CCDC169: variants seen among roughly 807,000 people sequenced by gnomAD.
CCDC169 encodes coiled-coil domain-containing protein 169.
CCDC169 carries 30 observed loss-of-function variants against 36.0 expected under a neutral mutation model. The observed-to-expected ratio is 0.83, with a 90% confidence interval of 0.62 to 1.13. The LOEUF is 1.13. Ranked by LOEUF, CCDC169 falls within the 50% of genes most tolerant of loss-of-function variation. The pLI is 0.00. For synonymous variants in CCDC169, 85 were observed against 81.5 expected (o/e 1.04, Z -0.23); for missense variants, 245 against 245.9 (o/e 1.00, Z 0.03).
downstream of CCDC169, chr13:36,227,138 C>T: frequency 9.3e-7 from 1 of 1,080,822 alleles, no homozygotes. Context: ...CTGGGGGAGG[C>T]TTAAAGAAAT....
chr13:36,275,373 C>T (rs753499805), intron 4 of CCDC169, among the ~76,000 whole-genome samples: 68 of 152,118 alleles, frequency 4.5e-4, no homozygotes, highest in South Asian at 8.3e-4. Context: ...CAAATGCCCC[C>T]TTGTGGACAG....
intron 4 of CCDC169, among the ~76,000 whole-genome samples, chr13:36,270,144 A>G (rs1831192): frequency 0.25 from 38,712 of 152,066 alleles, 5,205 homozygotes; most frequent in East Asian, 0.49. Context: ...CAAGCTGAGA[A>G]TCAAATCAAG....
chr13:36,228,313 T>C (rs1334487014), downstream of CCDC169, among the ~76,000 whole-genome samples: 7 of 152,208 alleles, frequency 4.6e-5, no homozygotes, highest in Non-Finnish European at 1.0e-4. Flanking sequence ...TTCACACTCA[T>C]GTCAATACTC....
At chr13:36,249,704 C>A (rs1283382810) in intron 6 of CCDC169, among the ~76,000 whole-genome samples, 1 of 151,120 alleles carries the variant, frequency 6.6e-6, no homozygotes, top group Non-Finnish European at 1.5e-5. Context: ...AAGCCAAAGG[C>A]AGTAAAAGAG....
chr13:36,257,870 C>T (rs1366126165), intron 4 of CCDC169, among the ~76,000 whole-genome samples: 1 of 151,806 alleles, frequency 6.6e-6, no homozygotes, highest in East Asian at 1.9e-4. Context: ...TAGGACATGT[C>T]ACTTCCCCTC....
At position 36,295,436 on chromosome 13, in the gene CCDC169, C is replaced by T. The variant is rs193030203; in HGVS notation, c.163+342G>A. Among the ~76,000 whole-genome samples, 335 of 152,096 alleles carry T rather than the reference C, an allele frequency of 2.2e-3. 3 individuals are homozygous for T. The highest frequency in any genetic ancestry group is 7.8e-3 in the African/African-American group (324 of 41,466). On this transcript the variant is annotated intron_variant, in intron 2 of 7. Transcript: ENST00000239859. ...ATACGGATTTTAAACATATCCCAAA[C>T]CTAGAAGTTAAGATATAAAGAGTGT...
intron 2 of CCDC169, among the ~76,000 whole-genome samples, chr13:36,294,936 G>C (rs1482815958): frequency 6.6e-6 from 1 of 152,122 alleles, no homozygotes; most frequent in Non-Finnish European, 1.5e-5. Flanking sequence ...GTGCTGGGCT[G>C]TCTGCCTGTG....
At chr13:36,262,328 A>ATGAC (rs1874708139) in intron 4 of CCDC169, among the ~76,000 whole-genome samples, 1 of 152,168 alleles carries the variant, frequency 6.6e-6, no homozygotes, top group South Asian at 2.1e-4. Context: ...CTGTACCAGC[A>ATGAC]TGACTGTGCC....
At chr13:36,290,571 AT>A (rs571599264) in intron 2 of CCDC169, among the ~76,000 whole-genome samples, 1 of 152,210 alleles carries the variant, frequency 6.6e-6, no homozygotes, top group African/African-American at 2.4e-5. Context: ...GATAAAATTA[AT>A]TAAGACCCTC....
At chr13:36,283,128 G>T (rs1335799699) in intron 4 of CCDC169, 4 of 247,368 alleles carry the variant, frequency 1.6e-5, no homozygotes, top group Non-Finnish European at 3.1e-5. Flanking sequence ...GGCATGTCTG[G>T]GTTGAAAGTA....
chr13:36,289,522 G>A (rs1878622944), intron 2 of CCDC169, among the ~76,000 whole-genome samples: 1 of 152,140 alleles, frequency 6.6e-6, no homozygotes, highest in Non-Finnish European at 1.5e-5. Flanking sequence ...TTCTTCCTAT[G>A]TCTGATTAAA....
At chr13:36,248,516 A>G in intron 7 of CCDC169, 90 bp downstream of exon 7, 1 of 1,235,524 alleles carries the variant, frequency 8.1e-7, no homozygotes, top group Non-Finnish European at 1.1e-6. Context: ...CTAGAAGTTC[A>G]GCTTCCAAAA....
downstream of CCDC169, chr13:36,225,006 G>A (rs892844507): frequency 5.9e-5 from 9 of 152,220 alleles, no homozygotes; most frequent in African/African-American, 2.2e-4. Flanking sequence ...ACAGCCATCT[G>A]ATCTTCAACA....
At chr13:36,287,410 T>C (rs965418293) in intron 2 of CCDC169, among the ~76,000 whole-genome samples, 1 of 152,222 alleles carries the variant, frequency 6.6e-6, no homozygotes, top group Non-Finnish European at 1.5e-5. Context: ...ATGAACAGGT[T>C]CCAATTTTGT....
intron 2 of CCDC169, among the ~76,000 whole-genome samples, chr13:36,288,657 A>G (rs924884874): frequency 6.6e-6 from 1 of 152,188 alleles, no homozygotes; most frequent in Non-Finnish European, 1.5e-5. Context: ...CTAAAATTTA[A>G]GGTTACTAAG....
intron 7 of CCDC169, chr13:36,240,771 G>A (rs987108574): frequency 5.7e-6 from 2 of 350,546 alleles, no homozygotes; most frequent in African/African-American, 4.4e-5. Flanking sequence ...TGAGCTCCTT[G>A]CTTTCGGGAA....
intron 7 of CCDC169, among the ~76,000 whole-genome samples, chr13:36,247,012 T>C (rs1872579610): frequency 6.6e-6 from 1 of 152,198 alleles, no homozygotes; most frequent in East Asian, 1.9e-4. Context: ...GCCAGTGAGT[T>C]TATGTTGAAG....
intron 2 of CCDC169, among the ~76,000 whole-genome samples, chr13:36,293,020 T>G (rs1879090127): frequency 1.3e-5 from 2 of 152,186 alleles, no homozygotes; most frequent in Non-Finnish European, 2.9e-5. Context: ...AGTCCTCTTC[T>G]GATTGCTTCT....
intron 6 of CCDC169, among the ~76,000 whole-genome samples, chr13:36,253,028 CA>C (rs35952795): frequency 0.21 from 31,170 of 151,944 alleles, 3,688 homozygotes; most frequent in East Asian, 0.38. Context: ...AAAAACTCTA[CA>C]ATACCAACGA....
Sources: allele counts gnomAD v4.1 joint callset (sites outside exome capture counted in the v4.1 genomes callset), GRCh38; gene constraint gnomAD v4.1.1; transcripts MANE v1.5; gene names NCBI Gene and HGNC (gene_info 2026-07-23, HGNC 2026-07-21).